Variants in CC2D2B observed in about 807,000 individuals in gnomAD.
CC2D2B encodes the protein protein CC2D2B.
CC2D2B carries 128 observed loss-of-function variants against 161.2 expected under a neutral mutation model. That is an observed-to-expected ratio of 0.79 (90% CI 0.69 to 0.92). CC2D2B has a LOEUF of 0.92. Among genes scored for constraint, CC2D2B ranks in the 40% least tolerant of loss-of-function variants. The pLI, the probability that CC2D2B is intolerant of heterozygous loss-of-function variation, is 0.00. For synonymous variants in CC2D2B, 391 were observed against 449.8 expected, an observed-to-expected ratio of 0.87 and a Z score of 1.65; for missense variants, 1,173 against 1,375.1, an observed-to-expected ratio of 0.85 and a Z score of 2.32.
chr10:95,941,813 G>A (rs1379942276), intron 9 of CC2D2B, among the ~76,000 whole-genome samples: 7 of 152,040 alleles, frequency 4.6e-5, no homozygotes, highest in Admixed American at 2.0e-4. Flanking sequence ...AAATAGAACC[G>A]TAATATGATC....
At chr10:95,928,836 T>C (rs1465857954) in intron 6 of CC2D2B, among the ~76,000 whole-genome samples, 1 of 152,206 alleles carries the variant, frequency 6.6e-6, no homozygotes, top group Non-Finnish European at 1.5e-5. Context: ...TCCAAGTCTT[T>C]GCTATTGTGA....
chr10:95,975,116 C>T (rs753733831), intron 17 of CC2D2B, among the ~76,000 whole-genome samples: 23 of 152,274 alleles, frequency 1.5e-4, no homozygotes, highest in Admixed American at 3.3e-4. Context: ...CATGGGAACT[C>T]TCTGTGCCTT....
chr10:96,023,888 G>A (rs1397033911), intron 32 of CC2D2B, among the ~76,000 whole-genome samples: 2 of 152,324 alleles, frequency 1.3e-5, no homozygotes, highest in Middle Eastern at 3.4e-3. Context: ...ACAAGTTCCC[G>A]GATGTGAGGT....
intron 20 of CC2D2B, among the ~76,000 whole-genome samples, chr10:95,989,439 C>T (rs901197433): frequency 1.3e-5 from 2 of 152,166 alleles, no homozygotes; most frequent in Non-Finnish European, 2.9e-5. Context: ...TCACTGGCAG[C>T]TGTTTTTCCC....
chr10:96,025,154 AATATATATATAT>A (rs1175038678), intron 33 of CC2D2B, among the ~76,000 whole-genome samples: 9 of 20,084 alleles, frequency 4.5e-4, no homozygotes, highest in South Asian at 1.9e-3. Context: ...ACTAAAAAAA[AATATATATATAT>A]ATATATATAT....
chr10:95,988,902 G>C (rs1235085246), intron 20 of CC2D2B, among the ~76,000 whole-genome samples: 1 of 152,166 alleles, frequency 6.6e-6, no homozygotes. Context: ...GCTTAGTGCA[G>C]GGGCGACATC....
chr10:95,935,228 G>A (rs1041500788), intron 6 of CC2D2B, among the ~76,000 whole-genome samples: 3 of 152,172 alleles, frequency 2.0e-5, no homozygotes, highest in African/African-American at 7.2e-5. Flanking sequence ...TTTTCCAGTT[G>A]CTCAGTTGAA....
In CC2D2B at chr10:96,009,850, G is replaced by C; in HGVS notation, c.2972G>C (p.Gly991Ala). ...GATCACTGTCTCAAGAGCTGTAGTG[G>C]TCACTCATATATAAGAAAGAATTGG... is the stretch of plus-strand genomic sequence containing the variant. ...HEDHCLKSCS[G>A]HSYIRKNWLG... is the part of the protein sequence containing the mutation. Residue 991 changes from glycine (G) to alanine (A), a missense_variant, in exon 26 of 35, where the codon GGT becomes GCT. Physicochemically the swap from Gly to Ala is moderately conservative, Grantham distance 60 (BLOSUM62 0). Transcript: ENST00000646931. 1 of 1,599,102 alleles carries C rather than the reference G, an allele frequency of 6.3e-7. No homozygotes were observed.
chr10:95,909,133 T>G (rs1334655310), intron 1 of CC2D2B, among the ~76,000 whole-genome samples: 1 of 152,230 alleles, frequency 6.6e-6, no homozygotes, highest in Non-Finnish European at 1.5e-5. Context: ...CGTTTGTTCC[T>G]AAGTTTTGAT....
intron 19 of CC2D2B, among the ~76,000 whole-genome samples, chr10:95,987,143 T>A (rs147626482): frequency 0.041 from 6,261 of 151,898 alleles, 256 homozygotes; most frequent in African/African-American, 0.097. Context: ...ACCAACATGG[T>A]GAGACCCTCG....
Position 95,961,969 on chromosome 10 carries a change from G to GTTAC in CC2D2B, c.1250_1250+1insTTAC (p.Arg417SerfsTer4). On this transcript the variant is annotated frameshift_variant and splice_region_variant. Transcript: ENST00000646931. LOFTEE classifies it high-confidence loss of function. ...ACCCCAATAAAGTTACAGGTTCAGA[G>GTTAC]GTAAGTGGCTGCTCTATTTGCTCTT... 11 of 1,231,536 alleles carry GTTAC rather than the reference G, an allele frequency of 8.9e-6. No homozygotes were observed. The highest frequency in any genetic ancestry group is 1.1e-5 in the Non-Finnish European group (11 of 987,590). The allele number at this position is 1,231,536 out of a possible 1,614,324, so 76.3% of individuals were successfully genotyped here.
intron 10 of CC2D2B, among the ~76,000 whole-genome samples, chr10:95,954,865 A>T (rs914637303): frequency 5.9e-5 from 9 of 152,066 alleles, no homozygotes; most frequent in Non-Finnish European, 1.3e-4. Context: ...TTTAGGGCCT[A>T]GTTTCCTCCA....
At chr10:96,003,021 A>AATATATATATATATAT (rs57187442) in intron 24 of CC2D2B, among the ~76,000 whole-genome samples, 112 of 140,672 alleles carry the variant, frequency 8.0e-4, no homozygotes, top group African/African-American at 2.5e-3. Context: ...AAAATAAATA[A>AATATATATATATATAT]ATATATATAT....
intron 2 of CC2D2B, 101 bp downstream of exon 2, chr10:95,911,460 C>T (rs377515021): frequency 4.9e-6 from 1 of 202,098 alleles, no homozygotes; most frequent in African/African-American, 2.3e-5. Flanking sequence ...TTTCTATATA[C>T]AAATCATAAA....
intron 9 of CC2D2B, among the ~76,000 whole-genome samples, chr10:95,939,397 G>A (rs2075943692): frequency 1.3e-5 from 2 of 152,028 alleles, no homozygotes; most frequent in South Asian, 4.2e-4. Context: ...TTTTATTGAT[G>A]GATATAAGTT....
Position 95,938,101 on chromosome 10 carries a change from A to G in CC2D2B, c.447A>G (p.Ile149Met). 1 of 1,548,808 alleles carries G rather than the reference A, an allele frequency of 6.5e-7. No individual in the cohort carries two copies. Among genetic ancestry groups the G allele is most frequent in the Non-Finnish European group, 8.7e-7 (1 of 1,144,390 alleles). ...TGAAAGAATTCATTTTGACAGATAT[A>G]CTCAAAGTAAAAGCTGCTGACTATG... Reference protein sequence around the residue: ...EFMKEFILTDILKVKAADYED... With the variant: ...EFMKEFILTDMLKVKAADYED... Residue 149 changes from isoleucine (I) to methionine (M), a missense_variant, in exon 7 of 35, where the codon ATA becomes ATG. This residue lies in a region of CC2D2B where 298 missense variants were observed against 261.2 expected (regional missense o/e 1.14). Coordinates refer to ENST00000646931, the MANE Select transcript of CC2D2B (RefSeq NM_001349008.3).
chr10:95,926,112 G>A (rs1266207559), intron 5 of CC2D2B, among the ~76,000 whole-genome samples: 2 of 152,100 alleles, frequency 1.3e-5, no homozygotes, highest in East Asian at 3.9e-4. Flanking sequence ...AGACTAAAAA[G>A]TGATGTTTAT....
intron 25 of CC2D2B, 68 bp from the exon 26 acceptor site, chr10:96,009,757 C>T: frequency 5.2e-6 from 3 of 571,598 alleles, no homozygotes; most frequent in Non-Finnish European, 5.8e-6. Context: ...TTATATTTAC[C>T]TGTGAGTTTA....
chr10:96,032,029 A>T lies in CC2D2B; in HGVS notation c.*21A>T. 6.3e-7 allele frequency: 1 copy of T among 1,593,992 alleles called. No individual in the cohort carries two copies. The highest frequency in any genetic ancestry group is 8.6e-7 in the Non-Finnish European group (1 of 1,165,120). On this transcript the variant is annotated 3_prime_UTR_variant, in exon 35 of 35. Coordinates refer to ENST00000646931, the MANE Select transcript of CC2D2B (RefSeq NM_001349008.3). ...AATGAAAAGGAAGCAGAGCAAAGTA[A>T]AAGATTGTACTATAGTCCTCTAGTA...
Sources: allele counts gnomAD v4.1 joint callset (sites outside exome capture counted in the v4.1 genomes callset), GRCh38; gene constraint gnomAD v4.1.1; regional missense constraint gnomAD v4.1.1; transcripts MANE v1.5; gene names NCBI Gene and HGNC (gene_info 2026-07-23, HGNC 2026-07-21).